TMEM132D: variants seen among roughly 807,000 people sequenced by gnomAD.
The protein encoded by TMEM132D is mature OL transmembrane protein.
TMEM132D carries 21 observed loss-of-function variants against 62.3 expected under a neutral mutation model. The ratio of observed to expected loss-of-function variants is 0.34; its 90% CI spans 0.24 to 0.49. The LOEUF is 0.49. Ranked by LOEUF, TMEM132D falls within the 20% of genes least tolerant of loss-of-function variation. The probability of loss-of-function intolerance (pLI) is 0.99; values close to 1 mark genes in which losing one functional copy is unlikely to be tolerated. For synonymous variants in TMEM132D, 621 were observed against 575.6 expected (o/e 1.08, Z -1.13); for missense variants, 1,346 against 1,402.8 (o/e 0.96, Z 0.65).
intron 2 of TMEM132D, among the ~76,000 whole-genome samples, chr12:129,582,221 C>T (rs1435622587): frequency 3.9e-5 from 6 of 152,198 alleles, no homozygotes; most frequent in African/African-American, 4.8e-5. Flanking sequence ...ATCCCAAGTC[C>T]CTTTTCCTTC....
At chr12:129,288,023 A>C (rs987223104) in intron 4 of TMEM132D, among the ~76,000 whole-genome samples, 21 of 152,220 alleles carry the variant, frequency 1.4e-4, no homozygotes, top group African/African-American at 5.1e-4. Context: ...TGTTTTGACT[A>C]TTTGGTGTCC....
intron 3 of TMEM132D, among the ~76,000 whole-genome samples, chr12:129,368,738 C>T (rs992171830): frequency 6.6e-6 from 1 of 151,102 alleles, no homozygotes. Flanking sequence ...CAACAGAGAC[C>T]AATTCATTCA....
chr12:129,811,453 C>G (rs959186889), intron 1 of TMEM132D, among the ~76,000 whole-genome samples: 10 of 151,614 alleles, frequency 6.6e-5, no homozygotes, highest in Non-Finnish European at 1.3e-4. Flanking sequence ...TCTCAGGGAC[C>G]TCAAGCAAGA....
At chr12:129,760,175 G>A (rs931797512) in intron 1 of TMEM132D, among the ~76,000 whole-genome samples, 3 of 152,046 alleles carry the variant, frequency 2.0e-5, no homozygotes, top group Admixed American at 6.6e-5. Flanking sequence ...CCAAAGTGCT[G>A]AGATTACAGG....
rs150796268 is a variant in TMEM132D at position 129,180,756 on chromosome 12, C to T, written c.1443+28764G>A. Among the ~76,000 whole-genome samples the T allele has an allele frequency of 2.1e-5, 3 of 143,686 alleles. No individual in the cohort carries two copies. In the East Asian group the frequency reaches 6.5e-4, roughly 31 times the overall value. The allele number at this position is 143,686 out of a possible 152,430, so 94.3% of individuals were successfully genotyped here. A position where few individuals can be genotyped will look rare whatever the true frequency, so the allele number is the denominator to read the frequency against. ...GACAGGAGAAAGACAGGGCTAGTTC[C>T]CTAACTCACTTCCCTTGTCTTCTCT... is the stretch of plus-strand genomic sequence containing the variant. On this transcript the variant is annotated intron_variant, in intron 5 of 8. Coordinates refer to ENST00000422113, the MANE Select transcript of TMEM132D (RefSeq NM_133448.3).
chr12:129,873,331 G>A (rs1874316721), intron 1 of TMEM132D, among the ~76,000 whole-genome samples: 2 of 152,176 alleles, frequency 1.3e-5, no homozygotes, highest in South Asian at 4.1e-4. Flanking sequence ...TGTGTGCCAA[G>A]GGGAGAAAGC....
chr12:129,111,439 A>G (rs2135644932), intron 5 of TMEM132D: 1 of 152,396 alleles, frequency 6.6e-6, no homozygotes, highest in East Asian at 1.9e-4. Context: ...AAAATGGAAC[A>G]GCTGCTAAGT....
At chr12:129,515,206 C>T (rs1199320739) in intron 3 of TMEM132D, among the ~76,000 whole-genome samples, 1 of 152,206 alleles carries the variant, frequency 6.6e-6, no homozygotes, top group African/African-American at 2.4e-5. Context: ...CAACCACAGA[C>T]TTAACGTTCC....
chr12:129,652,396 A>C (rs1164644332), intron 2 of TMEM132D, among the ~76,000 whole-genome samples: 3 of 152,208 alleles, frequency 2.0e-5, no homozygotes, highest in African/African-American at 7.2e-5. Context: ...GAACCTGCGA[A>C]TGTATTATGT....
intron 5 of TMEM132D, among the ~76,000 whole-genome samples, chr12:129,119,498 A>G (rs1172674494): frequency 1.3e-5 from 2 of 152,240 alleles, no homozygotes; most frequent in African/African-American, 4.8e-5. Context: ...AGAGGCCATT[A>G]TCCTAACTAA....
At position 129,115,754 on chromosome 12, in the gene TMEM132D, C is replaced by G. The variant is rs533302992; in HGVS notation, c.1444-31052G>C. ...GCCAGGGCCTGTAAAGCATACGTCA[C>G]AAACTCCAGGCAGAGGTGACTCATG... On this transcript the variant is annotated intron_variant, in intron 5 of 8. Coordinates refer to ENST00000422113, the MANE Select transcript of TMEM132D (RefSeq NM_133448.3). 2.0e-5 allele frequency among the ~76,000 whole-genome samples: 3 copies of G among 152,320 alleles called. No individual in the cohort carries two copies. In the East Asian group the frequency reaches 5.8e-4, roughly 29 times the overall value.
chr12:129,143,850 G>C (rs536044133), intron 5 of TMEM132D, among the ~76,000 whole-genome samples: 49 of 152,184 alleles, frequency 3.2e-4, no homozygotes, highest in African/African-American at 1.0e-3. Flanking sequence ...TTCTCCTGAA[G>C]GTCGATACAA....
intron 3 of TMEM132D, among the ~76,000 whole-genome samples, chr12:129,436,971 G>A (rs954226762): frequency 6.6e-6 from 1 of 152,128 alleles, no homozygotes; most frequent in Non-Finnish European, 1.5e-5. Context: ...AACAATTACT[G>A]AGGATAAATG....
At chr12:129,825,265 G>A (rs769250821) in intron 1 of TMEM132D, among the ~76,000 whole-genome samples, 6 of 151,240 alleles carry the variant, frequency 4.0e-5, no homozygotes, top group South Asian at 2.1e-4. Flanking sequence ...TCATCTGCCC[G>A]CCTTGGCCCC....
At chr12:129,756,894 C>A (rs1308976842) in intron 1 of TMEM132D, among the ~76,000 whole-genome samples, 1 of 152,176 alleles carries the variant, frequency 6.6e-6, no homozygotes, top group Non-Finnish European at 1.5e-5. Flanking sequence ...AGGTTGCGCC[C>A]TGATGTTCCC....
intron 1 of TMEM132D, among the ~76,000 whole-genome samples, chr12:129,786,397 C>G (rs1207604448): frequency 6.6e-6 from 1 of 152,134 alleles, no homozygotes; most frequent in South Asian, 2.1e-4. Context: ...GGAGGTAACA[C>G]CTCGTGGCGA....
At chr12:129,404,265 C>T (rs1467762881) in intron 3 of TMEM132D, among the ~76,000 whole-genome samples, 1 of 152,110 alleles carries the variant, frequency 6.6e-6, no homozygotes, top group African/African-American at 2.4e-5. Context: ...GTGGTACGAT[C>T]TCGGCTCACT....
chr12:129,347,812 C>T (rs1869734324), intron 3 of TMEM132D, among the ~76,000 whole-genome samples: 2 of 152,174 alleles, frequency 1.3e-5, no homozygotes, highest in South Asian at 4.1e-4. Flanking sequence ...ATCTATCCAT[C>T]TGACAAAGGT....
intron 1 of TMEM132D, among the ~76,000 whole-genome samples, chr12:129,774,067 T>A (rs1278642780): frequency 3.3e-5 from 5 of 152,218 alleles, no homozygotes; most frequent in Admixed American, 3.3e-4. Flanking sequence ...AGCAGGAGGC[T>A]ATTACAATAG....
Sources: allele counts gnomAD v4.1 joint callset (sites outside exome capture counted in the v4.1 genomes callset), GRCh38; gene constraint gnomAD v4.1.1; transcripts MANE v1.5; gene names NCBI Gene and HGNC (gene_info 2026-07-23, HGNC 2026-07-21).